The following ATAD3A variants were observed in gnomAD, a reference collection of about 807,000 sequenced individuals.
The protein encoded by ATAD3A is ATPase family AAA domain containing 3A.
ATAD3A carries 46 observed loss-of-function variants against 73.8 expected under a neutral mutation model. The observed-to-expected ratio is 0.62, with a 90% CI of 0.49 to 0.80. The LOEUF is 0.80. Among genes scored for constraint, ATAD3A ranks in the 30% least tolerant of loss-of-function variants. The pLI is 0.00. For missense variants in ATAD3A, 705 were observed against 838.0 expected (o/e 0.84, Z 1.96); for synonymous variants, 319 against 350.0 (o/e 0.91, Z 0.99).
In ATAD3A at chr1:1,520,243, T is replaced by G. The variant is rs1330644186; in HGVS notation, c.617T>G (p.Ile206Ser). 2 of 1,612,582 alleles carry G rather than the reference T, an allele frequency of 1.2e-6. No homozygotes were observed. Among genetic ancestry groups the G allele is most frequent in the Non-Finnish European group, 1.7e-6 (2 of 1,179,628 alleles). ...AAGGCCGAGCGGGAGAATGCAGACATCATCCGCGAGCAGATCCGCCTGAAG... is the reference window on the plus strand; with the variant it reads ...AAGGCCGAGCGGGAGAATGCAGACAGCATCCGCGAGCAGATCCGCCTGAAG... ...RAKAERENAD[I>S]IREQIRLKAA... The change falls in exon 6 of 16, where the codon ATC becomes AGC. Residue 206 changes from isoleucine to serine, a missense_variant. By Grantham distance (142) the Ile-to-Ser change is moderately radical (BLOSUM62 -2). Around this residue, in one of 5 missense-constraint regions of ATAD3A, gnomAD observed 315 missense variants for 334.1 expected, o/e 0.94. Transcript: ENST00000378756. This position sits in a 1 kb window ranked among gnomAD's most constrained non-coding sequence, Gnocchi z 4.0.
rs770892654 is a variant in ATAD3A, at chr1:1,523,517, C to A, written c.913C>A (p.Arg305=). ...TCCCCTTCCCCTCCGGCAGGTCAGC[C>A]GGCGGCTCCTCAGTCGACCCCAGGA... The part of the protein sequence containing the change: ...EALRHPIQVS[R]RLLSRPQDAL... The change falls in exon 9 of 16, where the codon CGG becomes AGG. Residue 305 remains arginine (R), a synonymous_variant. Transcript: ENST00000378756. This position sits in a 1 kb window ranked among gnomAD's most constrained non-coding sequence, Gnocchi z 5.1. 1.2e-6 allele frequency: 2 copies of A among 1,612,432 alleles called. No homozygotes were observed. Among genetic ancestry groups the A allele is most frequent in the Non-Finnish European group, 1.7e-6 (2 of 1,179,492 alleles).
Position 1,523,026 on chromosome 1 carries a change from C to T in ATAD3A, c.906+127C>T. On this transcript the variant is annotated intron_variant, in intron 8 of 15. Transcript: ENST00000378756. The surrounding 1 kb of genome is among the most constrained non-coding windows in gnomAD (Gnocchi z 5.1). ...CCGGATAACGGGCACCCGCACACTG[C>T]TTCACGGGTGGGTTTTCCTGTCTGG... 1.4e-6 allele frequency: 2 copies of T among 1,459,096 alleles called. No individual in the cohort carries two copies. The highest frequency in any genetic ancestry group is 9.1e-7 in the Non-Finnish European group (1 of 1,095,206). 90.4% of individuals were successfully genotyped at this position (1,459,096 alleles called of 1,614,324 possible). A position where few individuals can be genotyped will look rare whatever the true frequency, so the allele number is the denominator to read the frequency against.
At chr1:1,527,640 T>G in intron 13 of ATAD3A, 55 bp from the exon 14 acceptor site, 1 of 1,560,010 alleles carries the variant, frequency 6.4e-7, no homozygotes, top group Non-Finnish European at 8.7e-7. Context: ...CCCGTTCCCC[T>G]TGGTGCAGCT....
At chr1:1,522,598 C>G (rs1427976939) in intron 7 of ATAD3A, 146 bp from the exon 8 acceptor site, 10 of 1,474,842 alleles carry the variant, frequency 6.8e-6, no homozygotes, top group South Asian at 1.4e-5. Context: ...GATTCGGGGC[C>G]GGGAATTCGC....
At chr1:1,525,484 G>A (rs1290014819) in intron 12 of ATAD3A, among the ~76,000 whole-genome samples, 193 bp downstream of exon 12, 16 of 140,398 alleles carry the variant, frequency 1.1e-4, no homozygotes, top group African/African-American at 2.7e-4. Flanking sequence ...GCCCCATCTC[G>A]GCTCACTGCA....
At chr1:1,518,621 A>ACCC (rs148694040) in intron 4 of ATAD3A, among the ~76,000 whole-genome samples, 453 of 38,062 alleles carry the variant, frequency 0.012, 33 homozygotes, top group African/African-American at 0.075. Flanking sequence ...GGGCGTACAC[A>ACCC]CCCCCCCCCA....
chr1:1,516,323 G>T lies in ATAD3A; in HGVS notation c.282+235G>T, dbSNP rs116453850. Among the ~76,000 whole-genome samples the T allele has an allele frequency of 7.3e-3, 1,106 of 151,792 alleles. 15 individuals carry two copies. The highest frequency in any genetic ancestry group is 0.026 in the African/African-American group (1,053 of 41,188). On this transcript the variant is annotated intron_variant, in intron 2 of 15. Coordinates refer to ENST00000378756, the MANE Select transcript of ATAD3A (RefSeq NM_001170535.3). ...GTTGGTGAGGGCGTCTGGTCGTCCG[G>T]AGGGAGGGCCGGTGTTGGTGAGGGC...
rs771376142 is a variant in ATAD3A, at chr1:1,523,900, G to A, written c.1025G>A (p.Arg342His). The stretch of plus-strand genomic sequence containing the variant: ...GCAACAAGGAACACCAAGAAGAACC[G>A]CAGCCTGTACAGGAACATCCTGATG... ...AIATRNTKKN[R>H]SLYRNILMYG... Residue 342 changes from arginine (R) to histidine (H), a missense_variant, in exon 10 of 16, where the codon CGC becomes CAC. Physicochemically the swap from Arg to His is conservative, Grantham distance 29. Coordinates refer to ENST00000378756, the MANE Select transcript of ATAD3A (RefSeq NM_001170535.3). The surrounding 1 kb of genome is among the most constrained non-coding windows in gnomAD (Gnocchi z 5.1). 1.5e-5 allele frequency: 24 copies of A among 1,613,934 alleles called. No individual in the cohort carries two copies. Among genetic ancestry groups the A allele is most frequent in the Middle Eastern group, 1.6e-4 (1 of 6,084 alleles).
At position 1,525,214 on chromosome 1, in the gene ATAD3A, C is replaced by T. The variant is rs201906120; in HGVS notation, c.1215-26C>T. 495 of 1,613,434 alleles carry T rather than the reference C, an allele frequency of 3.1e-4. 2 individuals carry two copies. In the African/African-American group the frequency reaches 3.5e-3, roughly 11 times the overall value. ...GGCTGCTCCTGGTGTCACTCTCGCC[C>T]TGCTTGGCCTCCCTCTCGTTCACAG... On this transcript the variant is annotated intron_variant, in intron 11 of 15. Coordinates refer to ENST00000378756, the MANE Select transcript of ATAD3A (RefSeq NM_001170535.3).
In ATAD3A at chr1:1,529,252, G is replaced by A; in HGVS notation, c.1535G>A (p.Gly512Glu). ...QRLKLAQFDY[G>E]RKCSEVARLT... ...CTGAAGCTGGCCCAGTTTGACTACG[G>A]GAGGAAGTGCTCGGAGGTCGCTCGG... Residue 512 changes from glycine to glutamate, a missense_variant, in exon 15 of 16, where the codon GGG becomes GAG. Around this residue, in one of 5 missense-constraint regions of ATAD3A, gnomAD observed 252 missense variants for 278.5 expected, o/e 0.90. Transcript: ENST00000378756. 5 of 1,609,418 alleles carry A rather than the reference G, an allele frequency of 3.1e-6. No homozygotes were observed.
At position 1,525,142 on chromosome 1, in the gene ATAD3A, G is replaced by T. The variant is rs1433014879; in HGVS notation, c.1215-98G>T. The T allele has an allele frequency of 2.6e-6, 4 of 1,517,672 alleles. No individual in the cohort carries two copies. In the African/African-American group the frequency reaches 4.1e-5, roughly 16 times the overall value. 94.0% of individuals were successfully genotyped at this position (1,517,672 alleles called of 1,614,324 possible). Reference sequence around the variant, plus strand: ...GATGGGGCAGAGCCTGACCCCGTGGGGATCTGCCTGCTTGGCCTGCTCCTG... The same window carrying T: ...GATGGGGCAGAGCCTGACCCCGTGGTGATCTGCCTGCTTGGCCTGCTCCTG... On this transcript the variant is annotated intron_variant, in intron 11 of 15. Coordinates refer to ENST00000378756, the MANE Select transcript of ATAD3A (RefSeq NM_001170535.3).
At chr1:1,530,277 C>T (rs1051211961) in intron 15 of ATAD3A, among the ~76,000 whole-genome samples, 1 of 152,150 alleles carries the variant, frequency 6.6e-6, no homozygotes, top group African/African-American at 2.4e-5. Context: ...GTGGCTGACG[C>T]TTGTATTCCC....
At chr1:1,514,576 C>G (rs183456042) in intron 1 of ATAD3A, among the ~76,000 whole-genome samples, 1 of 152,194 alleles carries the variant, frequency 6.6e-6, no homozygotes, top group Non-Finnish European at 1.5e-5. Flanking sequence ...CAGCCCAGTT[C>G]GTGCCTAACC....
Position 1,534,425 on chromosome 1 carries a change from G to A in ATAD3A, c.*353G>A, listed in dbSNP as rs1406318016. 3.1e-6 allele frequency: 4 copies of A among 1,286,116 alleles called. No individual in the cohort carries two copies. The highest frequency in any genetic ancestry group is 4.0e-6 in the Non-Finnish European group (4 of 1,003,816). The allele number at this position is 1,286,116 out of a possible 1,614,324, so 79.7% of individuals were successfully genotyped here. On this transcript the variant is annotated 3_prime_UTR_variant, in exon 16 of 16. Transcript: ENST00000378756. ...GAGCCCCCGGGGCAGCAGGAGCCAG[G>A]CAGGTGATGTCTTTGTTCTCGGCTC...
intron 15 of ATAD3A, among the ~76,000 whole-genome samples, chr1:1,531,236 C>T (rs760061990): frequency 1.3e-5 from 2 of 151,810 alleles, no homozygotes; most frequent in East Asian, 1.9e-4. Flanking sequence ...GGGCAGATCA[C>T]GAGGTCAAGA....
rs906386406 is a variant in ATAD3A, at chr1:1,523,231, G to T, written c.907-280G>T. 1.4e-4 allele frequency among the ~76,000 whole-genome samples: 21 copies of T among 152,032 alleles called. No homozygotes were observed. The highest frequency in any genetic ancestry group is 5.1e-4 in the African/African-American group (21 of 41,342). ...GCCACGGCGTCTGGTGGCCTCCCTG[G>T]GGAGCCGCGCCGCTCGCCGCCCCCG... is the stretch of plus-strand genomic sequence containing the variant. On this transcript the variant is annotated intron_variant, in intron 8 of 15. Coordinates refer to ENST00000378756, the MANE Select transcript of ATAD3A (RefSeq NM_001170535.3). This position sits in a 1 kb window ranked among gnomAD's most constrained non-coding sequence, Gnocchi z 5.1.
intron 1 of ATAD3A, among the ~76,000 whole-genome samples, chr1:1,512,891 A>AT (rs940231492): frequency 3.9e-5 from 6 of 152,074 alleles, no homozygotes; most frequent in African/African-American, 1.4e-4. Context: ...AGGGAAGCGT[A>AT]TTTGAGAGTT....
Position 1,520,683 on chromosome 1 carries a change from C to T in ATAD3A, c.750+66C>T, listed in dbSNP as rs1002472189. 6 of 1,611,964 alleles carry T rather than the reference C, an allele frequency of 3.7e-6. No homozygotes were observed. Among genetic ancestry groups the T allele is most frequent in the African/African-American group, 1.3e-5 (1 of 75,018 alleles). ...GGCAGCATGTGGGGGCCTCCTGGAG[C>T]CCCAGGTCCTGTCCCTGCCGGCTCT... On this transcript the variant is annotated intron_variant, in intron 7 of 15. Transcript: ENST00000378756. This position sits in a 1 kb window ranked among gnomAD's most constrained non-coding sequence, Gnocchi z 4.0.
At chr1:1,516,247 AAAGG>A (rs1225056759) in intron 2 of ATAD3A, among the ~76,000 whole-genome samples, 159 bp downstream of exon 2, 1 of 145,854 alleles carries the variant, frequency 6.9e-6, no homozygotes, top group Non-Finnish European at 1.5e-5. Flanking sequence ...AGAAGGAAAC[AAAGG>A]GAGGTGAGAG....
Sources: allele counts gnomAD v4.1 joint callset (sites outside exome capture counted in the v4.1 genomes callset), GRCh38; gene constraint gnomAD v4.1.1; regional missense constraint gnomAD v4.1.1; non-coding constraint Gnocchi (gnomAD v3.1); transcripts MANE v1.5; gene names NCBI Gene and HGNC (gene_info 2026-07-23, HGNC 2026-07-21).